RPS6KC1: variants seen among roughly 807,000 people sequenced by gnomAD.
RPS6KC1 encodes inactive ribosomal protein S6 kinase delta-1.
In RPS6KC1, 54 loss-of-function variants were observed where a neutral mutation model predicts 103.8. That is an observed-to-expected ratio of 0.52 (90% CI 0.42 to 0.65). The LOEUF (loss-of-function observed/expected upper bound fraction) is 0.65. RPS6KC1 is among the 30% of genes least tolerant of loss of function. The pLI is 0.00. For synonymous variants in RPS6KC1, 439 were observed against 438.7 expected (o/e 1.00, Z -0.01); for missense variants, 1,151 against 1,253.8 (o/e 0.92, Z 1.24).
At chr1:213,467,643 G>A in the RPS6KC1 span, among the ~76,000 whole-genome samples, 1 of 152,150 alleles carries the variant, frequency 6.6e-6, no homozygotes, top group African/African-American at 2.4e-5. Flanking sequence ...TTGAGGATAG[G>A]GGTAAAAATT....
the RPS6KC1 span, among the ~76,000 whole-genome samples, chr1:213,664,090 C>T: frequency 6.6e-6 from 1 of 151,524 alleles, no homozygotes; most frequent in Non-Finnish European, 1.5e-5. Context: ...CTTCTCTGGC[C>T]TGCACCCAGC....
At chr1:213,486,051 T>C in the RPS6KC1 span, among the ~76,000 whole-genome samples, 2 of 152,196 alleles carry the variant, frequency 1.3e-5, no homozygotes, top group African/African-American at 2.4e-5. Flanking sequence ...ATCAGCTTGA[T>C]AGTCTAAACA....
chr1:213,760,426 C>T, the RPS6KC1 span, among the ~76,000 whole-genome samples: 2 of 152,120 alleles, frequency 1.3e-5, no homozygotes, highest in Non-Finnish European at 2.9e-5. Flanking sequence ...CCAGGTCAGC[C>T]CTGGAGAGAG....
chr1:213,369,354 T>C, the RPS6KC1 span, among the ~76,000 whole-genome samples: 32 of 152,228 alleles, frequency 2.1e-4, no homozygotes, highest in African/African-American at 7.5e-4. Context: ...CTAATGAGTT[T>C]CAAATACCTA....
At chr1:213,734,191 G>A in the RPS6KC1 span, among the ~76,000 whole-genome samples, 1 of 152,202 alleles carries the variant, frequency 6.6e-6, no homozygotes, top group Non-Finnish European at 1.5e-5. Context: ...CCACAGCCCA[G>A]ATCCTTTTCT....
chr1:213,737,366 CACCATG>C, the RPS6KC1 span, among the ~76,000 whole-genome samples: 6 of 152,172 alleles, frequency 3.9e-5, no homozygotes, highest in Non-Finnish European at 8.8e-5. Flanking sequence ...AGAACATACT[CACCATG>C]ACCATGACAG....
the RPS6KC1 span, among the ~76,000 whole-genome samples, chr1:213,710,296 C>T: frequency 2.0e-5 from 3 of 152,140 alleles, no homozygotes; most frequent in South Asian, 2.1e-4. Flanking sequence ...TTTTTATCTT[C>T]GTTGGTTTAA....
At chr1:213,737,593 GA>G in the RPS6KC1 span, among the ~76,000 whole-genome samples, 1 of 152,198 alleles carries the variant, frequency 6.6e-6, no homozygotes, top group East Asian at 1.9e-4. Context: ...ACCGTAGACA[GA>G]GTTCATAAGC....
chr1:213,119,844 A>G (rs2084182088), intron 5 of RPS6KC1, among the ~76,000 whole-genome samples: 1 of 152,082 alleles, frequency 6.6e-6, no homozygotes, highest in South Asian at 2.1e-4. Context: ...GGCTGTATTA[A>G]TGCTAAAGGA....
In RPS6KC1 at chr1:213,226,429, G is replaced by T. The variant is rs533266181; in HGVS notation, c.1045-4068G>T. ...GTGTTTTCATGTTTTGGAGGCTCAAGATTTGTGTTCATTGTAACTCAAAGG... is the reference window on the plus strand; with the variant it reads ...GTGTTTTCATGTTTTGGAGGCTCAATATTTGTGTTCATTGTAACTCAAAGG... On this transcript the variant is annotated intron_variant, in intron 8 of 14. Transcript: ENST00000366960. Among the ~76,000 whole-genome samples, 4 of 152,294 alleles carry T rather than the reference G, an allele frequency of 2.6e-5. No individual in the cohort carries two copies. In the East Asian group the frequency reaches 7.7e-4, roughly 29 times the overall value.
chr1:213,220,699 T>C (rs542719120), intron 8 of RPS6KC1, among the ~76,000 whole-genome samples: 90 of 152,342 alleles, frequency 5.9e-4, no homozygotes, highest in African/African-American at 2.0e-3. Flanking sequence ...TTTATACTTA[T>C]TTTCTTCTAA....
intron 8 of RPS6KC1, among the ~76,000 whole-genome samples, chr1:213,204,910 T>G (rs925513302): frequency 6.6e-6 from 1 of 152,202 alleles, no homozygotes. Flanking sequence ...ATTACAAGCA[T>G]AAACCACAAT....
At chr1:213,728,965 T>TTTTTTTTTTTTTTTA in the RPS6KC1 span, among the ~76,000 whole-genome samples, 5 of 141,118 alleles carry the variant, frequency 3.5e-5, no homozygotes, top group African/African-American at 1.4e-4. Flanking sequence ...TTTTTTTTTT[T>TTTTTTTTTTTTTTTA]ACCAGTGGAC....
chr1:213,439,312 C>T, the RPS6KC1 span, among the ~76,000 whole-genome samples: 1 of 151,510 alleles, frequency 6.6e-6, no homozygotes, highest in Non-Finnish European at 1.5e-5. Context: ...TGATGCCCCA[C>T]CCCCACCCAT....
chr1:213,164,169 A>G, intron 6 of RPS6KC1, among the ~76,000 whole-genome samples: 1 of 152,352 alleles, frequency 6.6e-6, no homozygotes, highest in Admixed American at 6.5e-5. Flanking sequence ...AAGAGAAGAG[A>G]TATATTTCTT....
At chr1:213,653,445 G>T in the RPS6KC1 span, among the ~76,000 whole-genome samples, 1 of 148,578 alleles carries the variant, frequency 6.7e-6, no homozygotes, top group Admixed American at 6.7e-5. Flanking sequence ...GGGTGACAGA[G>T]AAAGATCCTG....
chr1:213,375,036 TACAC>T, the RPS6KC1 span, among the ~76,000 whole-genome samples: 6 of 151,420 alleles, frequency 4.0e-5, no homozygotes, highest in Non-Finnish European at 7.4e-5. Context: ...TACACACACA[TACAC>T]ATACATACAC....
chr1:213,328,504 C>CTATATATATATATATATATATATA, the RPS6KC1 span, among the ~76,000 whole-genome samples: 5 of 101,444 alleles, frequency 4.9e-5, no homozygotes, highest in Non-Finnish European at 6.4e-5. Context: ...AGCCATTATA[C>CTATATATATATATATATATATATA]TATATATATA....
chr1:213,176,950 G>T (rs529286498), intron 8 of RPS6KC1, among the ~76,000 whole-genome samples: 210 of 152,184 alleles, frequency 1.4e-3, no homozygotes, highest in African/African-American at 5.0e-3. Context: ...AATTGTATTT[G>T]CATCTTGGTG....
Sources: gnomAD v4.1 joint callset for allele counts (sites outside exome capture counted in the v4.1 genomes callset) on GRCh38, gnomAD v4.1.1 for gene constraint, MANE v1.5 for transcripts, NCBI Gene and HGNC (gene_info 2026-07-23, HGNC 2026-07-21) for gene names.